ADAMTS20: variants seen among roughly 807,000 people sequenced by gnomAD.
ADAMTS20 encodes the protein A disintegrin and metalloproteinase with thrombospondin motifs 20.
ADAMTS20 carries 225 observed loss-of-function variants against 260.1 expected under a neutral mutation model. The observed-to-expected ratio is 0.87, with a 90% CI of 0.78 to 0.97. ADAMTS20 has a LOEUF of 0.97. Ranked by LOEUF, ADAMTS20 falls within the 50% of genes least tolerant of loss-of-function variation. The pLI is 0.00. For synonymous variants in ADAMTS20, 802 were observed against 769.5 expected, an observed-to-expected ratio of 1.04 and a Z score of -0.70; for missense variants, 2,400 against 2,337.7, an observed-to-expected ratio of 1.03 and a Z score of -0.55.
chr12:43,540,968 G>A (rs1943369035), intron 2 of ADAMTS20, among the ~76,000 whole-genome samples: 1 of 151,980 alleles, frequency 6.6e-6, no homozygotes, highest in Non-Finnish European at 1.5e-5. Flanking sequence ...TCTTATTTCA[G>A]TATCATGGCA....
At chr12:43,484,764 A>G (rs1364190630) in intron 7 of ADAMTS20, among the ~76,000 whole-genome samples, 3 of 152,178 alleles carry the variant, frequency 2.0e-5, no homozygotes, top group South Asian at 2.1e-4. Context: ...TGTAAAATCT[A>G]TTTGAGGGAA....
At chr12:43,503,710 C>G (rs527910601) in intron 3 of ADAMTS20, among the ~76,000 whole-genome samples, 1 of 151,996 alleles carries the variant, frequency 6.6e-6, no homozygotes, top group Non-Finnish European at 1.5e-5. Context: ...CTGATCCTCT[C>G]CCTCCTCCCA....
chr12:43,539,356 T>C lies in ADAMTS20; in HGVS notation c.454-7161A>G, dbSNP rs182843902. Reference sequence around the variant, plus strand: ...AAAGTAAAATGTTTAGACACCCTTATATAGTGTGCTAATGTGTTAGGATTA... The same window carrying C: ...AAAGTAAAATGTTTAGACACCCTTACATAGTGTGCTAATGTGTTAGGATTA... On this transcript the variant is annotated intron_variant, in intron 2 of 38. Coordinates refer to ENST00000389420, the MANE Select transcript of ADAMTS20 (RefSeq NM_025003.5). Among the ~76,000 whole-genome samples the C allele has an allele frequency of 3.9e-3, 598 of 152,350 alleles. 2 individuals carry two copies. The highest frequency in any genetic ancestry group is 5.2e-3 in the Non-Finnish European group (356 of 68,036).
At chr12:43,515,365 CTG>C (rs1443646118) in intron 3 of ADAMTS20, among the ~76,000 whole-genome samples, 6 of 152,036 alleles carry the variant, frequency 3.9e-5, no homozygotes, top group African/African-American at 1.4e-4. Flanking sequence ...GTTATTAACT[CTG>C]TAATTTATGA....
At chr12:43,389,881 C>T (rs971975209) in intron 29 of ADAMTS20, among the ~76,000 whole-genome samples, 11 of 152,106 alleles carry the variant, frequency 7.2e-5, no homozygotes, top group African/African-American at 1.4e-4. Flanking sequence ...TGCCCAAGTC[C>T]GTAGGCAGCT....
At chr12:43,431,723 A>G (rs1941447428) in intron 21 of ADAMTS20, among the ~76,000 whole-genome samples, 1 of 152,190 alleles carries the variant, frequency 6.6e-6, no homozygotes, top group Admixed American at 6.5e-5. Context: ...CAAAGGTGCA[A>G]AACTAACCTT....
At chr12:43,388,981 A>G (rs1592042917) in intron 29 of ADAMTS20, among the ~76,000 whole-genome samples, 1 of 152,226 alleles carries the variant, frequency 6.6e-6, no homozygotes, top group East Asian at 1.9e-4. Flanking sequence ...AAAAGGCCCC[A>G]CCTCCTAATA....
intron 7 of ADAMTS20, among the ~76,000 whole-genome samples, chr12:43,482,355 A>G (rs1942455258): frequency 6.6e-6 from 1 of 152,196 alleles, no homozygotes; most frequent in African/African-American, 2.4e-5. Flanking sequence ...GTGTGGCGTG[A>G]AAGTCACTCC....
At chr12:43,434,963 A>G (rs972010945) in intron 18 of ADAMTS20, among the ~76,000 whole-genome samples, 17 of 152,122 alleles carry the variant, frequency 1.1e-4, no homozygotes, top group South Asian at 4.2e-4. Flanking sequence ...GGAATCATGG[A>G]AAAAAAAGGC....
Position 43,356,559 on chromosome 12 carries a change from A to G in ADAMTS20, c.5568T>C (p.Thr1856=), listed in dbSNP as rs753602781. The change falls in exon 38 of 39, where the codon ACT becomes ACC. Residue 1856 remains threonine (T), a synonymous_variant. Coordinates refer to ENST00000389420, the MANE Select transcript of ADAMTS20 (RefSeq NM_025003.5). ...TTGCTGTGCTGGATATCTTCATCCCAGTTCCTGACAAATTAATGCTAAACT... is the reference window on the plus strand; with the variant it reads ...TTGCTGTGCTGGATATCTTCATCCCGGTTCCTGACAAATTAATGCTAAACT... ...QGQFSINLSG[T]GMKISSTAKW... 33 of 1,612,072 alleles carry G rather than the reference A, an allele frequency of 2.0e-5. No homozygotes were observed. The South Asian group carries it at 3.4e-4, about 17-fold the overall frequency.
At chr12:43,477,623 A>T (rs1243454919) in intron 7 of ADAMTS20, among the ~76,000 whole-genome samples, 3 of 152,136 alleles carry the variant, frequency 2.0e-5, no homozygotes, top group Non-Finnish European at 4.4e-5. Flanking sequence ...TAGCACACAT[A>T]TGCACTCTCT....
chr12:43,395,766 A>C (rs1441400684), intron 29 of ADAMTS20, among the ~76,000 whole-genome samples: 1 of 148,984 alleles, frequency 6.7e-6, no homozygotes, highest in Non-Finnish European at 1.5e-5. Flanking sequence ...ACTTCTTAGG[A>C]AGGTCCAAAG....
In ADAMTS20 at chr12:43,428,256, G is replaced by A. The variant is rs375296101; in HGVS notation, c.3930C>T (p.Thr1310=). The change falls in exon 26 of 39, where the codon ACC becomes ACT. Residue 1310 remains threonine (T), a synonymous_variant. Transcript: ENST00000389420. ...HPSVRGNQWR[T]GPWGSCSSSC... ...GATGGCTTACTGATCCCCATGGTCCGGTTCTCCACTGGTTTCCTCTGACTG... is the reference window on the plus strand; with the variant it reads ...GATGGCTTACTGATCCCCATGGTCCAGTTCTCCACTGGTTTCCTCTGACTG... 1.2e-5 allele frequency: 19 copies of A among 1,613,620 alleles called. No homozygotes were observed. Among genetic ancestry groups the A allele is most frequent in the South Asian group, 3.3e-5 (3 of 91,080 alleles).
chr12:43,387,437 G>C (rs146911952), intron 29 of ADAMTS20, among the ~76,000 whole-genome samples: 31 of 152,310 alleles, frequency 2.0e-4, no homozygotes, highest in African/African-American at 7.5e-4. Flanking sequence ...CCCCTGCTGG[G>C]AGGTGTCTCC....
intron 11 of ADAMTS20, among the ~76,000 whole-genome samples, chr12:43,461,572 A>G (rs775981935): frequency 1.2e-4 from 19 of 152,194 alleles, no homozygotes; most frequent in Non-Finnish European, 2.4e-4. Flanking sequence ...CAGTAACTTG[A>G]AAAGTTGCTA....
At chr12:43,530,389 T>C (rs1380766202) in intron 3 of ADAMTS20, among the ~76,000 whole-genome samples, 1 of 152,204 alleles carries the variant, frequency 6.6e-6, no homozygotes, top group East Asian at 1.9e-4. Context: ...TACCCATTTG[T>C]GTTTTCTTTG....
At chr12:43,431,793 T>C (rs980817561) in intron 21 of ADAMTS20, among the ~76,000 whole-genome samples, 5 of 152,128 alleles carry the variant, frequency 3.3e-5, no homozygotes, top group Non-Finnish European at 5.9e-5. Context: ...CAAAGGGTTA[T>C]AGATTAAATA....
chr12:43,503,115 C>A (rs934218519), intron 3 of ADAMTS20, among the ~76,000 whole-genome samples: 6 of 142,880 alleles, frequency 4.2e-5, no homozygotes, highest in African/African-American at 1.6e-4. Flanking sequence ...TATGCCTGTG[C>A]GTTTAAATCT....
chr12:43,453,880 A>G (rs11182085), intron 12 of ADAMTS20, 27 bp downstream of exon 12: 141,749 of 1,565,280 alleles, frequency 0.091, 9,713 homozygotes, highest in East Asian at 0.43. Flanking sequence ...GATAATCTTA[A>G]TTTATAGTGA....
Sources: allele counts gnomAD v4.1 joint callset (sites outside exome capture counted in the v4.1 genomes callset), GRCh38; gene constraint gnomAD v4.1.1; transcripts MANE v1.5; gene names NCBI Gene and HGNC (gene_info 2026-07-23, HGNC 2026-07-21).